Variants in FGFR2 observed in about 807,000 individuals in gnomAD.
FGFR2 encodes the protein BEK fibroblast growth factor receptor.
FGFR2 carries 19 observed loss-of-function variants against 95.9 expected under a neutral mutation model. The ratio of observed to expected loss-of-function variants is 0.20; its 90% CI spans 0.14 to 0.29. The LOEUF (loss-of-function observed/expected upper bound fraction) is 0.29, where lower values mean the gene tolerates loss of function less well. Ranked by LOEUF, FGFR2 falls within the 10% of genes least tolerant of loss-of-function variation. The probability of loss-of-function intolerance (pLI) is 1.00; values close to 1 mark genes in which losing one functional copy is unlikely to be tolerated. For synonymous variants in FGFR2, 392 were observed against 393.3 expected, an observed-to-expected ratio of 1.00 and a Z score of 0.04; for missense variants, 707 against 1,056.9, an observed-to-expected ratio of 0.67 and a Z score of 4.59.
chr10:121,492,619 G>A (rs2133890556), intron 13 of FGFR2, among the ~76,000 whole-genome samples: 1 of 152,348 alleles, frequency 6.6e-6, no homozygotes, highest in Admixed American at 6.5e-5. Context: ...GGGAAAGCCA[G>A]GGCCGGACCC....
intron 5 of FGFR2, among the ~76,000 whole-genome samples, chr10:121,548,522 AT>A (rs1374273972): frequency 1.3e-5 from 2 of 151,816 alleles, no homozygotes; most frequent in African/African-American, 4.8e-5. Context: ...ATCAGGCAGC[AT>A]TTTCTCATTA....
At chr10:121,538,844 T>C in intron 5 of FGFR2, 129 bp from the exon 6 acceptor site, 1 of 1,165,800 alleles carries the variant, frequency 8.6e-7, no homozygotes, top group South Asian at 1.4e-5. Context: ...AAATTCTAAA[T>C]TGATAACTGT....
intron 11 of FGFR2, among the ~76,000 whole-genome samples, chr10:121,499,366 G>A (rs972111082): frequency 3.3e-5 from 5 of 152,152 alleles, no homozygotes; most frequent in Non-Finnish European, 5.9e-5. Context: ...ATATGGGCAT[G>A]GATAAGAACC....
intron 5 of FGFR2, among the ~76,000 whole-genome samples, chr10:121,539,829 T>C (rs1853426819): frequency 6.6e-6 from 1 of 152,176 alleles, no homozygotes; most frequent in South Asian, 2.1e-4. Context: ...ATGAGTGATA[T>C]AAGAAACTAG....
chr10:121,595,611 C>A (rs971314604), intron 1 of FGFR2, among the ~76,000 whole-genome samples: 2 of 152,238 alleles, frequency 1.3e-5, no homozygotes, highest in East Asian at 3.8e-4. Context: ...GGATCTATTT[C>A]TACATACATG....
chr10:121,592,824 C>T (rs912099805), intron 2 of FGFR2, among the ~76,000 whole-genome samples: 4 of 152,134 alleles, frequency 2.6e-5, no homozygotes, highest in African/African-American at 4.8e-5. Context: ...CATTAAGTGG[C>T]GATGAGTGCT....
Position 121,564,663 on chromosome 10 carries a change from T to C in FGFR2, c.377-84A>G, listed in dbSNP as rs41302305. The C allele has an allele frequency of 8.8e-4, 1,108 of 1,257,494 alleles. 5 individuals are homozygous for C. The African/African-American group carries it at 0.015, about 17-fold the overall frequency. 77.9% of individuals were successfully genotyped at this position (1,257,494 alleles called of 1,614,324 possible). ...TTATCTACAACTGAGACCTTCTCCATAGCAAAGTCAACAACCCAGGAACCC... is the reference window on the plus strand; with the variant it reads ...TTATCTACAACTGAGACCTTCTCCACAGCAAAGTCAACAACCCAGGAACCC... On this transcript the variant is annotated intron_variant, in intron 3 of 17. Coordinates refer to ENST00000358487, the MANE Select transcript of FGFR2 (RefSeq NM_000141.5).
At chr10:121,587,792 T>G (rs941734280) in intron 2 of FGFR2, among the ~76,000 whole-genome samples, 1 of 152,192 alleles carries the variant, frequency 6.6e-6, no homozygotes, top group African/African-American at 2.4e-5. Context: ...ATACTGTTAG[T>G]AGGAGTGCAA....
chr10:121,490,046 C>CT (rs1343418365), intron 13 of FGFR2, among the ~76,000 whole-genome samples: 1 of 152,058 alleles, frequency 6.6e-6, no homozygotes, highest in Non-Finnish European at 1.5e-5. Flanking sequence ...GCCACATACA[C>CT]TGATTCTAAA....
chr10:121,567,435 T>C (rs1467824775), intron 2 of FGFR2, among the ~76,000 whole-genome samples: 1 of 152,216 alleles, frequency 6.6e-6, no homozygotes, highest in Non-Finnish European at 1.5e-5. Context: ...CAGGTTATGT[T>C]TCTAACATTT....
At chr10:121,483,488 T>A (rs1845026235) in intron 17 of FGFR2, among the ~76,000 whole-genome samples, 1 of 152,180 alleles carries the variant, frequency 6.6e-6, no homozygotes, top group East Asian at 1.9e-4. Context: ...CCTCTGTCTT[T>A]GGTTTCATGA....
intron 12 of FGFR2, 61 bp from the exon 13 acceptor site, chr10:121,496,783 C>T (rs2133947563): frequency 7.2e-7 from 1 of 1,388,682 alleles, no homozygotes; most frequent in Non-Finnish European, 1.0e-6. Context: ...TTGGGCAATT[C>T]AGCAAAACAT....
chr10:121,514,506 C>T (rs1025961597), intron 9 of FGFR2, among the ~76,000 whole-genome samples: 1 of 152,196 alleles, frequency 6.6e-6, no homozygotes, highest in African/African-American at 2.4e-5. Flanking sequence ...AATAAATCCA[C>T]AGCCACACCT....
intron 2 of FGFR2, among the ~76,000 whole-genome samples, chr10:121,581,590 A>G (rs1048551229): frequency 6.9e-6 from 1 of 143,990 alleles, no homozygotes; most frequent in African/African-American, 2.6e-5. Context: ...AAAAAAAAAA[A>G]GAAAAAAAGA....
intron 4 of FGFR2, among the ~76,000 whole-genome samples, chr10:121,560,213 T>A (rs1856748208): frequency 6.6e-6 from 1 of 152,152 alleles, no homozygotes; most frequent in Non-Finnish European, 1.5e-5. Context: ...TCTCTCCACC[T>A]GATCGGGTTA....
chr10:121,520,201 G>A (rs1156681343), intron 6 of FGFR2, 32 bp from the exon 7 acceptor site: 2 of 1,598,382 alleles, frequency 1.3e-6, no homozygotes, highest in Admixed American at 3.4e-5. Flanking sequence ...GGAGGAGTGG[G>A]GATGGGAGAA....
At position 121,593,861 on chromosome 10, in the gene FGFR2, G is replaced by T. The variant is rs1436412564; in HGVS notation, c.-44C>A. On this transcript the variant is annotated 5_prime_UTR_variant, in exon 2 of 18. Coordinates refer to ENST00000358487, the MANE Select transcript of FGFR2 (RefSeq NM_000141.5). The stretch of plus-strand genomic sequence containing the variant: ...CGGTCCTCTTCCATATCTCCATGTG[G>T]ACGTTAATCCCATCTGCACACTTCC... The T allele has an allele frequency of 6.4e-7, 1 of 1,555,888 alleles. No homozygotes were observed. Among genetic ancestry groups the T allele is most frequent in the South Asian group, 1.1e-5 (1 of 89,940 alleles).
chr10:121,579,347 C>T (rs571708350), intron 2 of FGFR2, among the ~76,000 whole-genome samples: 1 of 152,206 alleles, frequency 6.6e-6, no homozygotes, highest in East Asian at 1.9e-4. Flanking sequence ...TTCCTGTTTA[C>T]GGGGCGTAAC....
At chr10:121,482,133 G>A (rs1425403973) in intron 17 of FGFR2, 2 of 1,608,732 alleles carry the variant, frequency 1.2e-6, no homozygotes, top group Non-Finnish European at 1.7e-6. Context: ...CACTGCGCCT[G>A]ACCAACTTTT....
Sources: gnomAD v4.1 joint callset for allele counts (sites outside exome capture counted in the v4.1 genomes callset) on GRCh38, gnomAD v4.1.1 for gene constraint, MANE v1.5 for transcripts, NCBI Gene and HGNC (gene_info 2026-07-23, HGNC 2026-07-21) for gene names.